The following GHR variants were observed in gnomAD, a reference collection of about 807,000 sequenced individuals.
The protein encoded by GHR is growth hormone receptor.
A neutral mutation model predicts 67.1 loss-of-function variants in GHR; 35 were observed. The ratio of observed to expected loss-of-function variants is 0.52; its 90% CI spans 0.40 to 0.69. The LOEUF is 0.69. Ranked by LOEUF, GHR falls within the 30% of genes least tolerant of loss-of-function variation. The probability of loss-of-function intolerance (pLI) is 0.00; values close to 1 mark genes in which losing one functional copy is unlikely to be tolerated. For synonymous variants in GHR, 272 were observed against 269.1 expected (o/e 1.01, Z -0.10); for missense variants, 792 against 764.6 (o/e 1.04, Z -0.42).
chr5:42,597,307 CA>C (rs1468759604), intron 2 of GHR, among the ~76,000 whole-genome samples: 1 of 152,114 alleles, frequency 6.6e-6, no homozygotes, highest in African/African-American at 2.4e-5. Flanking sequence ...GTAAAATGAT[CA>C]TGAAGTGACA....
chr5:42,569,086 A>G (rs2112490513), intron 2 of GHR, among the ~76,000 whole-genome samples: 1 of 152,326 alleles, frequency 6.6e-6, no homozygotes, highest in South Asian at 2.1e-4. Flanking sequence ...GGAGGTTGAC[A>G]TTGTTTCTCT....
chr5:42,569,428 G>C (rs1479077977), intron 2 of GHR, among the ~76,000 whole-genome samples: 1 of 152,140 alleles, frequency 6.6e-6, no homozygotes, highest in Non-Finnish European at 1.5e-5. Flanking sequence ...AATTATAGAA[G>C]GCCCAGAGAT....
chr5:42,643,739 A>G (rs1754592905), intron 3 of GHR, among the ~76,000 whole-genome samples: 1 of 152,056 alleles, frequency 6.6e-6, no homozygotes, highest in Admixed American at 6.6e-5. Context: ...TTTCCCTGAA[A>G]ACAGCCCAGA....
At chr5:42,549,724 C>T (rs1748917498) in intron 1 of GHR, 8 of 926,846 alleles carry the variant, frequency 8.6e-6, no homozygotes, top group Non-Finnish European at 9.0e-6. Context: ...TCAGATCACA[C>T]ATGGCTGGAT....
chr5:42,511,542 G>A (rs138692201), intron 1 of GHR, among the ~76,000 whole-genome samples: 5 of 152,322 alleles, frequency 3.3e-5, no homozygotes, highest in African/African-American at 1.2e-4. Flanking sequence ...ATGAATGAAT[G>A]AAGCTCAAGC....
chr5:42,527,538 A>G lies in GHR; in HGVS notation c.-11-38326A>G, dbSNP rs867051990. ...TACCCTAAATGTATATGTACCCAAC[A>G]CAAGAGCACTGTATTCATAAGGCAA... On this transcript the variant is annotated intron_variant, in intron 1 of 9. Coordinates refer to ENST00000230882, the MANE Select transcript of GHR (RefSeq NM_000163.5). Among the ~76,000 whole-genome samples, 3 of 152,236 alleles carry G rather than the reference A, an allele frequency of 2.0e-5. No homozygotes were observed. In the South Asian group the frequency reaches 6.2e-4, roughly 32 times the overall value.
intron 2 of GHR, among the ~76,000 whole-genome samples, chr5:42,575,674 C>T (rs774858223): frequency 2.4e-4 from 36 of 151,222 alleles, no homozygotes; most frequent in Admixed American, 4.0e-4. Flanking sequence ...TGAGGGCAGC[C>T]GACAGAGAGA....
chr5:42,459,725 A>G (rs1744409633), intron 1 of GHR, among the ~76,000 whole-genome samples: 1 of 152,190 alleles, frequency 6.6e-6, no homozygotes, highest in African/African-American at 2.4e-5. Flanking sequence ...ATGCAGGGCT[A>G]TTTTTTGTGT....
At chr5:42,676,216 C>T (rs982155367) in intron 3 of GHR, among the ~76,000 whole-genome samples, 6 of 151,818 alleles carry the variant, frequency 4.0e-5, no homozygotes, top group African/African-American at 7.3e-5. Context: ...ACCTGGGAGG[C>T]GGAGGTTGCA....
intron 3 of GHR, among the ~76,000 whole-genome samples, chr5:42,644,040 T>C (rs995872487): frequency 6.6e-6 from 1 of 152,056 alleles, no homozygotes; most frequent in African/African-American, 2.4e-5. Flanking sequence ...ATAAAAGAAA[T>C]GGTAGGATTA....
At chr5:42,581,026 G>A (rs1184676449) in intron 2 of GHR, among the ~76,000 whole-genome samples, 1 of 152,204 alleles carries the variant, frequency 6.6e-6, no homozygotes, top group East Asian at 1.9e-4. Context: ...CAGCAGAAAA[G>A]ATGAGGATGC....
Position 42,719,308 on chromosome 5 carries a change from G to T in GHR, c.1801G>T (p.Val601Leu), listed in dbSNP as rs748252720. 3 of 1,614,132 alleles carry T rather than the reference G, an allele frequency of 1.9e-6. No homozygotes were observed. The highest frequency in any genetic ancestry group is 2.2e-5 in the South Asian group (2 of 91,088). Residue 601 changes from valine (V) to leucine (L), a missense_variant, in exon 10 of 10, where the codon GTA becomes TTA. Physicochemically the swap from Val to Leu is conservative, Grantham distance 32 (BLOSUM62 1). Transcript: ENST00000230882. The stretch of plus-strand genomic sequence containing the variant: ...CCCAGACTATACCTCCATTCATATA[G>T]TACAGTCCCCACAGGGCCTCATACT... ...PVPDYTSIHI[V>L]QSPQGLILNA...
chr5:42,692,902 A>G (rs747089250), intron 4 of GHR, among the ~76,000 whole-genome samples: 4 of 152,176 alleles, frequency 2.6e-5, no homozygotes, highest in African/African-American at 9.7e-5. Flanking sequence ...TTTTCTGGGC[A>G]ATTTTCTTAC....
At chr5:42,662,752 G>A (rs376562263) in intron 3 of GHR, among the ~76,000 whole-genome samples, 3 of 152,224 alleles carry the variant, frequency 2.0e-5, no homozygotes, top group East Asian at 1.9e-4. Flanking sequence ...AAATAACTAA[G>A]ATCAGAGCAG....
In GHR at chr5:42,688,871, T is replaced by C. The variant is rs777985976; in HGVS notation, c.137-19T>C. On this transcript the variant is annotated intron_variant, in intron 3 of 9. Coordinates refer to ENST00000230882, the MANE Select transcript of GHR (RefSeq NM_000163.5). ...GACTCACCTGATTTCATGCCTTGCC[T>C]TTTCTTTTTATTCTGCAGATTCTTC... 2 of 1,612,566 alleles carry C rather than the reference T, an allele frequency of 1.2e-6. No homozygotes were observed. The highest frequency in any genetic ancestry group is 1.7e-5 in the Admixed American group (1 of 60,006).
intron 3 of GHR, among the ~76,000 whole-genome samples, chr5:42,642,048 A>G (rs1045263075): frequency 6.8e-6 from 1 of 147,168 alleles, no homozygotes; most frequent in Non-Finnish European, 1.5e-5. Context: ...AGGAGAAGAA[A>G]TCATATGTTT....
At chr5:42,437,682 G>A (rs1743388676) in intron 1 of GHR, among the ~76,000 whole-genome samples, 1 of 151,598 alleles carries the variant, frequency 6.6e-6, no homozygotes, top group Admixed American at 6.6e-5. Flanking sequence ...TGAGTAGGTG[G>A]GACTACAGGT....
intron 1 of GHR, among the ~76,000 whole-genome samples, chr5:42,562,775 C>T (rs1339513032): frequency 4.0e-5 from 6 of 151,398 alleles, no homozygotes; most frequent in Admixed American, 3.3e-4. Flanking sequence ...CTCAGCCTCC[C>T]GAGTAGCTGG....
At chr5:42,514,804 G>A (rs1272033825) in intron 1 of GHR, 3 of 152,198 alleles carry the variant, frequency 2.0e-5, no homozygotes, top group African/African-American at 7.2e-5. Flanking sequence ...ACGTTTTCCT[G>A]TGTTTAGTCT....
Sources: gnomAD v4.1 joint callset for allele counts (sites outside exome capture counted in the v4.1 genomes callset) on GRCh38, gnomAD v4.1.1 for gene constraint, MANE v1.5 for transcripts, NCBI Gene and HGNC (gene_info 2026-07-23, HGNC 2026-07-21) for gene names.